The following NRG3 variants were observed in gnomAD, a reference collection of about 807,000 sequenced individuals.
NRG3 encodes the protein pro-neuregulin-3, membrane-bound isoform.
A neutral mutation model predicts 66.9 loss-of-function variants in NRG3; 31 were observed. The ratio of observed to expected loss-of-function variants is 0.46; its 90% confidence interval spans 0.35 to 0.63. The LOEUF is 0.63. NRG3 is among the 20% of genes least tolerant of loss of function. The pLI, the probability that NRG3 is intolerant of heterozygous loss-of-function variation, is 0.00. For missense variants in NRG3, 910 were observed against 878.9 expected, an observed-to-expected ratio of 1.04 and a Z score of -0.45; for synonymous variants, 393 against 359.4, an observed-to-expected ratio of 1.09 and a Z score of -1.06.
intron 1 of NRG3, among the ~76,000 whole-genome samples, chr10:82,047,464 G>T (rs1407323665): frequency 6.6e-6 from 1 of 152,042 alleles, no homozygotes; most frequent in African/African-American, 2.4e-5. Context: ...TTAAAGGAAA[G>T]AATTTTCAAC....
chr10:82,903,341 A>T (rs971403372), intron 4 of NRG3, among the ~76,000 whole-genome samples: 1 of 152,110 alleles, frequency 6.6e-6, no homozygotes, highest in African/African-American at 2.4e-5. Context: ...TATCCAGTAA[A>T]AAGTGATCTC....
At chr10:81,982,938 C>G (rs1031460606) in intron 1 of NRG3, among the ~76,000 whole-genome samples, 1 of 152,152 alleles carries the variant, frequency 6.6e-6, no homozygotes, top group African/African-American at 2.4e-5. Flanking sequence ...AGAAGCATAG[C>G]TTTAGCCCAT....
intron 1 of NRG3, among the ~76,000 whole-genome samples, chr10:82,019,670 G>T (rs57353184): frequency 0.02 from 3,064 of 152,202 alleles, 70 homozygotes; most frequent in East Asian, 0.11. Flanking sequence ...TCTTGGGAGG[G>T]TGTATGTGTC....
chr10:82,194,637 C>T (rs796195486), intron 1 of NRG3, among the ~76,000 whole-genome samples: 1 of 152,108 alleles, frequency 6.6e-6, no homozygotes, highest in South Asian at 2.1e-4. Flanking sequence ...CTACATGAGT[C>T]AGACAGTGGT....
chr10:81,882,219 T>C (rs1436258013), intron 1 of NRG3, among the ~76,000 whole-genome samples: 1 of 152,180 alleles, frequency 6.6e-6, no homozygotes, highest in Non-Finnish European at 1.5e-5. Context: ...GCCTGGTGGC[T>C]GTGTCCCTTT....
intron 2 of NRG3, among the ~76,000 whole-genome samples, chr10:82,377,461 C>CGCGT (rs1369211458): frequency 2.9e-5 from 4 of 138,554 alleles, no homozygotes; most frequent in African/African-American, 1.0e-4. Flanking sequence ...TGTGTGTGCG[C>CGCGT]GAGCGCACAT....
chr10:82,020,531 G>C (rs769113568), intron 1 of NRG3, among the ~76,000 whole-genome samples: 1 of 152,018 alleles, frequency 6.6e-6, no homozygotes, highest in Non-Finnish European at 1.5e-5. Context: ...AGGTATACAC[G>C]ATCTCAATAA....
intron 2 of NRG3, among the ~76,000 whole-genome samples, chr10:82,495,080 ACAGGTGCGGGC>A (rs1157888986): frequency 1.3e-5 from 2 of 151,926 alleles, no homozygotes; most frequent in Non-Finnish European, 2.9e-5. Context: ...AGCTGAGATT[ACAGGTGCGGGC>A]CACCACACCC....
chr10:82,922,181 A>G (rs1375052470), intron 4 of NRG3, among the ~76,000 whole-genome samples: 1 of 152,106 alleles, frequency 6.6e-6, no homozygotes, highest in East Asian at 1.9e-4. Context: ...ATATATGTAC[A>G]TATTTTTTAA....
intron 1 of NRG3, among the ~76,000 whole-genome samples, chr10:81,892,636 T>C (rs1159300021): frequency 6.6e-6 from 1 of 151,990 alleles, no homozygotes; most frequent in Non-Finnish European, 1.5e-5. Flanking sequence ...TACGTGGAGA[T>C]AGAGAGTAGA....
chr10:82,439,834 A>G (rs1240052969), intron 2 of NRG3, among the ~76,000 whole-genome samples: 3 of 152,066 alleles, frequency 2.0e-5, no homozygotes, highest in Non-Finnish European at 4.4e-5. Context: ...ATATCCATGT[A>G]TAAAAGTAGT....
In NRG3 at chr10:82,985,478, T is replaced by C; in HGVS notation, c.1964T>C (p.Val655Ala). The change falls in exon 9 of 9, where the codon GTA (valine) becomes GCA (alanine). Residue 655 changes from valine to alanine, a missense_variant. Coordinates refer to ENST00000372141, the MANE Select transcript of NRG3 (RefSeq NM_001010848.4). ...TCAGAAGACTACGAACTGGCCAGCG[T>C]AGAAACCGAGGACAGTGCAAGCGAA... Reference protein sequence around the residue: ...RRSEDYELASVETEDSASENT... With the variant: ...RRSEDYELASAETEDSASENT... 3 of 1,614,050 alleles carry C rather than the reference T, an allele frequency of 1.9e-6. No homozygotes were observed. Among genetic ancestry groups the C allele is most frequent in the Non-Finnish European group, 2.5e-6 (3 of 1,179,994 alleles).
At chr10:82,000,608 T>C (rs1379105733) in intron 1 of NRG3, among the ~76,000 whole-genome samples, 1 of 152,218 alleles carries the variant, frequency 6.6e-6, no homozygotes, top group Non-Finnish European at 1.5e-5. Context: ...AACTTACTTA[T>C]GTAAGGCCAC....
chr10:82,152,988 G>A (rs377603318), intron 1 of NRG3, among the ~76,000 whole-genome samples: 32 of 150,874 alleles, frequency 2.1e-4, no homozygotes, highest in East Asian at 5.9e-4. Flanking sequence ...ACACACACGC[G>A]CACACACACA....
In NRG3 at chr10:82,817,183, C is replaced by T. The variant is rs940913440; in HGVS notation, c.1028-48228C>T. Among the ~76,000 whole-genome samples, 4 of 152,292 alleles carry T rather than the reference C, an allele frequency of 2.6e-5. No individual in the cohort carries two copies. In the South Asian group the frequency reaches 8.3e-4, roughly 32 times the overall value. ...CTGATGGCTTTCCAAGTAACAGCCC[C>T]TTCTGTATCATTGTGGCCTTTGGAA... is the stretch of plus-strand genomic sequence containing the variant. On this transcript the variant is annotated intron_variant, in intron 3 of 8. Transcript: ENST00000372141.
chr10:82,629,819 C>T (rs994064487), intron 2 of NRG3, among the ~76,000 whole-genome samples: 1 of 152,100 alleles, frequency 6.6e-6, no homozygotes, highest in Non-Finnish European at 1.5e-5. Context: ...ACTGAAGGAA[C>T]CTTCAGATAG....
intron 1 of NRG3, among the ~76,000 whole-genome samples, chr10:81,930,644 A>G (rs1847252403): frequency 6.6e-6 from 1 of 152,190 alleles, no homozygotes; most frequent in Non-Finnish European, 1.5e-5. Context: ...AGGTAGGAGA[A>G]CACCGGGAAT....
chr10:81,942,630 T>C (rs1265373244), intron 1 of NRG3, among the ~76,000 whole-genome samples: 4 of 152,168 alleles, frequency 2.6e-5, no homozygotes, highest in Non-Finnish European at 4.4e-5. Context: ...GTTTCCCAAC[T>C]CTGTTGAGTC....
At chr10:82,690,653 A>G (rs2054855665) in intron 2 of NRG3, among the ~76,000 whole-genome samples, 2 of 152,182 alleles carry the variant, frequency 1.3e-5, no homozygotes, top group Non-Finnish European at 2.9e-5. Context: ...ACAACATGCC[A>G]TCTCCCCTTC....
Sources: gnomAD v4.1 joint callset for allele counts (sites outside exome capture counted in the v4.1 genomes callset) on GRCh38, gnomAD v4.1.1 for gene constraint, MANE v1.5 for transcripts, NCBI Gene and HGNC (gene_info 2026-07-23, HGNC 2026-07-21) for gene names.